The following SLC22A7 variants were observed in gnomAD, a reference collection of about 807,000 sequenced individuals.
SLC22A7 encodes the protein solute carrier family 22 member 7.
Under a neutral mutation model 62.2 loss-of-function variants are expected in SLC22A7, and 48 were observed. The ratio of observed to expected loss-of-function variants is 0.77; its 90% CI spans 0.61 to 0.98. SLC22A7 has a LOEUF of 0.98. Ranked by LOEUF, SLC22A7 falls within the 50% of genes least tolerant of loss-of-function variation. SLC22A7 has a pLI of 0.00. For synonymous variants in SLC22A7, 276 were observed against 314.8 expected (o/e 0.88, Z 1.30); for missense variants, 581 against 703.8 (o/e 0.83, Z 1.97).
chr6:43,302,117 TA>T lies in SLC22A7; in HGVS notation c.1062-79del. On this transcript the variant is annotated intron_variant, in intron 7 of 10. Coordinates refer to ENST00000372585, the MANE Select transcript of SLC22A7 (RefSeq NM_153320.2). The surrounding 1 kb of genome is among the most constrained non-coding windows in gnomAD (Gnocchi z 5.0). Reference sequence around the variant, plus strand: ...CAGAGACAGAAGGAGATTGCCCTTGTAAAATGCCAAGTCTTCCTGAGAAGAG... The same window carrying T: ...CAGAGACAGAAGGAGATTGCCCTTGTAAATGCCAAGTCTTCCTGAGAAGAG... The T allele has an allele frequency of 2.3e-6, 3 of 1,298,240 alleles. No individual in the cohort carries two copies. Among genetic ancestry groups the T allele is most frequent in the Non-Finnish European group, 3.2e-6 (3 of 934,136 alleles). The allele number at this position is 1,298,240 out of a possible 1,614,324, so 80.4% of individuals were successfully genotyped here.
At position 43,301,709 on chromosome 6, in the gene SLC22A7, G is replaced by C. The variant is rs1778757451; in HGVS notation, c.1061+17G>C. On this transcript the variant is annotated intron_variant, in intron 7 of 10. Transcript: ENST00000372585. ...GGTGGTGTGGTGAGGAGGCTGGCTT[G>C]GGTCTGGCATGGGTGTGGTGGGAGG... 2 of 1,592,240 alleles carry C rather than the reference G, an allele frequency of 1.3e-6. No homozygotes were observed. Among genetic ancestry groups the C allele is most frequent in the South Asian group, 1.1e-5 (1 of 89,374 alleles).
At position 43,301,600 on chromosome 6, in the gene SLC22A7, C is replaced by T. The variant is rs1362304680; in HGVS notation, c.969C>T (p.Ala323=). The T allele has an allele frequency of 4.3e-6, 7 of 1,614,032 alleles. No homozygotes were observed. The highest frequency in any genetic ancestry group is 3.3e-5 in the South Asian group (3 of 91,072). The part of the protein sequence containing the change: ...SFSQEAVSKV[A]AGERVVRRPS... ...CCTACCAGGCTGTGAGCAAAGTGGC[C>T]GCCGGGGAACGGGTGGTCCGAAGAC... The change falls in exon 7 of 11, where the codon GCC becomes GCT. Residue 323 remains alanine (A), a synonymous_variant. Transcript: ENST00000372585.
In SLC22A7 at chr6:43,305,022, G is replaced by A. The variant is rs1387546068; in HGVS notation, c.*297G>A. The A allele has an allele frequency of 3.5e-6, 1 of 289,152 alleles. No homozygotes were observed. The highest frequency in any genetic ancestry group is 6.1e-5 in the East Asian group (1 of 16,504). The allele number at this position is 289,152 out of a possible 1,614,324, so 17.9% of individuals were successfully genotyped here. A position where few individuals can be genotyped will look rare whatever the true frequency, so the allele number is the denominator to read the frequency against. ...GAGCTGTGGGAAGAGCCCTGGATAG[G>A]AAGCCACTGAGTCTGCCCTGGGCTC... On this transcript the variant is annotated 3_prime_UTR_variant, in exon 11 of 11. Coordinates refer to ENST00000372585, the MANE Select transcript of SLC22A7 (RefSeq NM_153320.2).
Position 43,302,075 on chromosome 6 carries a change from G to C in SLC22A7, c.1062-125G>C, listed in dbSNP as rs1027384774. On this transcript the variant is annotated intron_variant, in intron 7 of 10. Transcript: ENST00000372585. This position sits in a 1 kb window ranked among gnomAD's most constrained non-coding sequence, Gnocchi z 5.0. ...TATGGATGTCAGGGAAGGTCCTGGC[G>C]GGGGGACCGGGGGTTGCAGAGACAG... is the stretch of plus-strand genomic sequence containing the variant. The C allele has an allele frequency of 4.9e-6, 4 of 822,326 alleles. No homozygotes were observed. In the South Asian group the frequency reaches 5.3e-5, roughly 11 times the overall value. 50.9% of individuals were successfully genotyped at this position (822,326 alleles called of 1,614,324 possible).
At chr6:43,296,844 A>G (rs567649329), upstream of SLC22A7, among the ~76,000 whole-genome samples, 49 of 152,300 alleles carry the variant, frequency 3.2e-4, no homozygotes, top group South Asian at 9.5e-3. Flanking sequence ...GGTTTTAAAC[A>G]GGGATGTGAC....
chr6:43,303,382 C>T (rs1359447561), intron 9 of SLC22A7, among the ~76,000 whole-genome samples: 1 of 152,118 alleles, frequency 6.6e-6, no homozygotes, highest in Non-Finnish European at 1.5e-5. Context: ...ATCGCTCGAA[C>T]CTGGGAGATG....
At chr6:43,301,727 G>T in intron 7 of SLC22A7, 35 bp downstream of exon 7, 1 of 1,504,266 alleles carries the variant, frequency 6.6e-7, no homozygotes. Flanking sequence ...CATGGGTGTG[G>T]TGGGAGGGAG....
intron 6 of SLC22A7, 68 bp from the exon 7 acceptor site, chr6:43,301,515 G>A: frequency 7.9e-7 from 1 of 1,260,302 alleles, no homozygotes; most frequent in South Asian, 1.2e-5. Context: ...GGTGGGGGGA[G>A]AGTACTGTGT....
rs935607903 is a variant in SLC22A7, at chr6:43,305,449, T to C, written c.*724T>C. The C allele has an allele frequency of 3.1e-5, 10 of 324,756 alleles. No homozygotes were observed. Among genetic ancestry groups the C allele is most frequent in the African/African-American group, 1.5e-4 (7 of 45,886 alleles). The allele number at this position is 324,756 out of a possible 1,614,324, so 20.1% of individuals were successfully genotyped here. A position where few individuals can be genotyped will look rare whatever the true frequency, so the allele number is the denominator to read the frequency against. On this transcript the variant is annotated 3_prime_UTR_variant, in exon 11 of 11. Transcript: ENST00000372585. Reference sequence around the variant, plus strand: ...CCCATCCTCCAACCCACTGGTCTCATGCCCAAAGAAGAGTTGAAGGCATGG... The same window carrying C: ...CCCATCCTCCAACCCACTGGTCTCACGCCCAAAGAAGAGTTGAAGGCATGG...
Position 43,304,952 on chromosome 6 carries a change from G to A in SLC22A7, c.*227G>A. The A allele has an allele frequency of 2.4e-6, 1 of 411,408 alleles. No individual in the cohort carries two copies. The highest frequency in any genetic ancestry group is 4.3e-6 in the Non-Finnish European group (1 of 231,980). The allele number at this position is 411,408 out of a possible 1,614,324, so 25.5% of individuals were successfully genotyped here. A position where few individuals can be genotyped will look rare whatever the true frequency, so the allele number is the denominator to read the frequency against. Reference sequence around the variant, plus strand: ...TGGGCACCCCTCTCACGGTTGGGGAGGATTCTGTAAATAAAGGTGCCCCTT... The same window carrying A: ...TGGGCACCCCTCTCACGGTTGGGGAAGATTCTGTAAATAAAGGTGCCCCTT... On this transcript the variant is annotated 3_prime_UTR_variant, in exon 11 of 11. Coordinates refer to ENST00000372585, the MANE Select transcript of SLC22A7 (RefSeq NM_153320.2).
At position 43,298,426 on chromosome 6, in the gene SLC22A7, T is replaced by C. The variant is rs1395094564; in HGVS notation, c.68T>C (p.Leu23Pro). Residue 23 changes from leucine to proline, a missense_variant, in exon 1 of 11, where the codon CTG (leucine) becomes CCG (proline). Transcript: ENST00000372585. Reference protein sequence around the residue: ...FGPFQLRNVALLALPRVLLPL... With the variant: ...FGPFQLRNVAPLALPRVLLPL... ...CCCTTCCAACTGCGGAATGTGGCAC[T>C]GCTGGCCCTGCCCCGAGTGCTGCTA... is the stretch of plus-strand genomic sequence containing the variant. 4 of 1,613,996 alleles carry C rather than the reference T, an allele frequency of 2.5e-6. No individual in the cohort carries two copies. Among genetic ancestry groups the C allele is most frequent in the African/African-American group, 2.7e-5 (2 of 74,946 alleles).
rs756667277 is a variant in SLC22A7, at chr6:43,298,418, T to A, written c.60T>A (p.Asn20Lys). ...VGGFGPFQLR[N>K]VALLALPRVL... The stretch of plus-strand genomic sequence containing the variant: ...GCTTTGGGCCCTTCCAACTGCGGAA[T>A]GTGGCACTGCTGGCCCTGCCCCGAG... The change falls in exon 1 of 11, where the codon AAT (asparagine) becomes AAA (lysine). Residue 20 changes from asparagine to lysine, a missense_variant. Transcript: ENST00000372585. The A allele has an allele frequency of 6.2e-7, 1 of 1,614,138 alleles. No individual in the cohort carries two copies. Among genetic ancestry groups the A allele is most frequent in the Non-Finnish European group, 8.5e-7 (1 of 1,180,016 alleles).
chr6:43,298,505 T>C lies in SLC22A7; in HGVS notation c.147T>C (p.Cys49=). ...IFLAAVPAHR[C]ALPGAPANFS... is the part of the protein sequence containing the mutation. Reference sequence around the variant, plus strand: ...TGGCTGCCGTGCCTGCCCACCGATGTGCCCTGCCGGGTGCCCCTGCCAACT... The same window carrying C: ...TGGCTGCCGTGCCTGCCCACCGATGCGCCCTGCCGGGTGCCCCTGCCAACT... The change falls in exon 1 of 11, where the codon TGT becomes TGC. Residue 49 remains cysteine (C), a synonymous_variant. Coordinates refer to ENST00000372585, the MANE Select transcript of SLC22A7 (RefSeq NM_153320.2). 1 of 1,613,634 alleles carries C rather than the reference T, an allele frequency of 6.2e-7. No homozygotes were observed. Among genetic ancestry groups the C allele is most frequent in the African/African-American group, 1.3e-5 (1 of 75,072 alleles).
upstream of SLC22A7, chr6:43,295,901 G>T (rs920028378): frequency 1.3e-5 from 2 of 152,134 alleles, no homozygotes; most frequent in Non-Finnish European, 2.9e-5. Context: ...AGGGGCTGCA[G>T]ATTTATTTAT....
intron 9 of SLC22A7, among the ~76,000 whole-genome samples, chr6:43,303,708 A>C (rs1197661373): frequency 6.6e-6 from 1 of 152,262 alleles, no homozygotes; most frequent in Non-Finnish European, 1.5e-5. Context: ...GCCTCCTCGA[A>C]CAACATGGCA....
chr6:43,302,149 A>G lies in SLC22A7; in HGVS notation c.1062-51A>G. On this transcript the variant is annotated intron_variant, in intron 7 of 10. Transcript: ENST00000372585. The surrounding 1 kb of genome is among the most constrained non-coding windows in gnomAD (Gnocchi z 5.0). ...CCAAGTCTTCCTGAGAAGAGAGGCC[A>G]AAGAGGGATGGGAAGGAGGGTCCGC... 6 of 1,478,446 alleles carry G rather than the reference A, an allele frequency of 4.1e-6. No individual in the cohort carries two copies. The highest frequency in any genetic ancestry group is 5.5e-6 in the Non-Finnish European group (6 of 1,087,946). 91.6% of individuals were successfully genotyped at this position (1,478,446 alleles called of 1,614,324 possible).
chr6:43,304,681 A>C lies in SLC22A7; in HGVS notation c.1603A>C (p.Ser535Arg). Residue 535 changes from serine to arginine, a missense_variant, in exon 11 of 11, where the codon AGT (serine) becomes CGT (arginine). Coordinates refer to ENST00000372585, the MANE Select transcript of SLC22A7 (RefSeq NM_153320.2). ...QDVERKSAPT[S>R]LQEEEMPMKQ... is the part of the protein sequence containing the mutation. ...CTCCTTCCTCCCTAGTGCCCCAACC[A>C]GTCTTCAGGAGGAAGAGATGCCCAT... is the stretch of plus-strand genomic sequence containing the variant. 1.2e-6 allele frequency: 2 copies of C among 1,600,396 alleles called. No individual in the cohort carries two copies. Among genetic ancestry groups the C allele is most frequent in the Non-Finnish European group, 1.7e-6 (2 of 1,171,210 alleles).
chr6:43,302,658 T>C lies in SLC22A7; in HGVS notation c.1280T>C (p.Met427Thr). ...FGTRLLVSSD[M>T]KSWSTVLAVM... ...ACCTGAACCCGCTTCCCTCCAGATA[T>C]GAAGTCCTGGAGCACTGTCCTGGCA... Residue 427 changes from methionine to threonine, a missense_variant, in exon 9 of 11, where the codon ATG (methionine) becomes ACG (threonine). Met to Thr is a moderately conservative substitution (Grantham distance 81, BLOSUM62 -1). Transcript: ENST00000372585. This position sits in a 1 kb window ranked among gnomAD's most constrained non-coding sequence, Gnocchi z 5.0. 1.9e-6 allele frequency: 3 copies of C among 1,599,964 alleles called. No homozygotes were observed. The highest frequency in any genetic ancestry group is 1.8e-4 in the Middle Eastern group (1 of 5,682).
At chr6:43,297,382 T>C (rs70953673), upstream of SLC22A7, among the ~76,000 whole-genome samples, 222 of 152,306 alleles carry the variant, frequency 1.5e-3, 4 homozygotes, top group East Asian at 0.033. Flanking sequence ...AGCTAAGTGT[T>C]TGGAGAATCA....
Sources: allele counts gnomAD v4.1 joint callset (sites outside exome capture counted in the v4.1 genomes callset), GRCh38; gene constraint gnomAD v4.1.1; non-coding constraint Gnocchi (gnomAD v3.1); transcripts MANE v1.5; gene names NCBI Gene and HGNC (gene_info 2026-07-23, HGNC 2026-07-21).